EPB41L1: variants seen among roughly 807,000 people sequenced by gnomAD.
The protein encoded by EPB41L1 is erythrocyte membrane protein band 4.1 like 1.
EPB41L1 carries 29 observed loss-of-function variants against 97.8 expected under a neutral mutation model. That is an observed-to-expected ratio of 0.30 (90% CI 0.22 to 0.40). The LOEUF is 0.40. EPB41L1 is among the 10% of genes least tolerant of loss of function. The pLI is 1.00. For synonymous variants in EPB41L1, 383 were observed against 459.2 expected (o/e 0.83, Z 2.12); for missense variants, 812 against 1,162.3 (o/e 0.70, Z 4.38).
intron 11 of EPB41L1, among the ~76,000 whole-genome samples, chr20:36,193,914 C>T (rs1418234647): frequency 6.6e-6 from 1 of 152,186 alleles, no homozygotes; most frequent in Non-Finnish European, 1.5e-5. Flanking sequence ...ATGAGGAAAC[C>T]AAGACCCAGC....
At chr20:36,191,697 C>G (rs1375217440) in intron 11 of EPB41L1, among the ~76,000 whole-genome samples, 1 of 152,152 alleles carries the variant, frequency 6.6e-6, no homozygotes, top group Non-Finnish European at 1.5e-5. Flanking sequence ...GGGCTGTTCT[C>G]TGGACACTGG....
At chr20:36,143,194 G>A (rs917485037) in intron 2 of EPB41L1, among the ~76,000 whole-genome samples, 2 of 149,392 alleles carry the variant, frequency 1.3e-5, no homozygotes, top group East Asian at 4.0e-4. Flanking sequence ...GGGGATAGAG[G>A]TGCCATCTGG....
At chr20:36,116,655 G>T (rs905154861) in intron 2 of EPB41L1, among the ~76,000 whole-genome samples, 68 of 152,192 alleles carry the variant, frequency 4.5e-4, no homozygotes, top group Non-Finnish European at 1.3e-4. Context: ...GGCTGGACTA[G>T]CCATTCAGGA....
At chr20:36,213,493 G>A (rs2063259491) in intron 16 of EPB41L1, among the ~76,000 whole-genome samples, 1 of 152,104 alleles carries the variant, frequency 6.6e-6, no homozygotes, top group Non-Finnish European at 1.5e-5. Flanking sequence ...TATAATGATG[G>A]TAGGAGTTTA....
At position 36,207,821 on chromosome 20, in the gene EPB41L1, C is replaced by T. The variant is rs780327333; in HGVS notation, c.1669-1667C>T. 4.0e-5 allele frequency: 51 copies of T among 1,267,436 alleles called. No homozygotes were observed. In the African/African-American group the frequency reaches 5.8e-4, roughly 14 times the overall value. The allele number at this position is 1,267,436 out of a possible 1,614,324, so 78.5% of individuals were successfully genotyped here. Reference sequence around the variant, plus strand: ...AGCCCCCGCCCCCACCGCTGCTCCCCGCCCATGGGGGCTGGCCGCATGCTC... The same window carrying T: ...AGCCCCCGCCCCCACCGCTGCTCCCTGCCCATGGGGGCTGGCCGCATGCTC... On this transcript the variant is annotated intron_variant, in intron 14 of 21. Coordinates refer to ENST00000338074, the MANE Select transcript of EPB41L1 (RefSeq NM_012156.2). The surrounding 1 kb of genome is among the most constrained non-coding windows in gnomAD (Gnocchi z 4.9).
At chr20:36,114,243 T>C (rs1383625737) in intron 2 of EPB41L1, among the ~76,000 whole-genome samples, 6 of 152,206 alleles carry the variant, frequency 3.9e-5, no homozygotes, top group Non-Finnish European at 8.8e-5. Flanking sequence ...GAAACCCATA[T>C]TGTAAGCATT....
At chr20:36,141,707 T>G (rs1766651345) in intron 2 of EPB41L1, among the ~76,000 whole-genome samples, 1 of 152,220 alleles carries the variant, frequency 6.6e-6, no homozygotes, top group Non-Finnish European at 1.5e-5. Context: ...AAGACCCAAA[T>G]GTACACAAAA....
intron 2 of EPB41L1, among the ~76,000 whole-genome samples, chr20:36,134,852 CTTT>C (rs764236552): frequency 1.9e-5 from 2 of 107,652 alleles, no homozygotes; most frequent in Non-Finnish European, 1.9e-5. Context: ...TTTTCTCTGT[CTTT>C]TTTTTTTTTT....
chr20:36,155,035 G>C, intron 1 of EPB41L1, 139 bp downstream of exon 1: 1 of 822,754 alleles, frequency 1.2e-6, no homozygotes, highest in Non-Finnish European at 1.7e-6. Context: ...CAGTGTGGGG[G>C]AGGGTCTCGC....
chr20:36,227,550 C>A (rs1267730982), intron 21 of EPB41L1, among the ~76,000 whole-genome samples: 1 of 152,164 alleles, frequency 6.6e-6, no homozygotes, highest in Non-Finnish European at 1.5e-5. Context: ...GGTGAACCTG[C>A]TTCCTTGTCC....
At chr20:36,155,392 T>C (rs1381291891) in intron 1 of EPB41L1, 2 of 362,908 alleles carry the variant, frequency 5.5e-6, no homozygotes, top group Non-Finnish European at 1.1e-5. Context: ...TCAGAGCTGC[T>C]AGGAGGGATC....
At chr20:36,130,231 C>T (rs962971037) in intron 2 of EPB41L1, among the ~76,000 whole-genome samples, 1 of 149,540 alleles carries the variant, frequency 6.7e-6, no homozygotes, top group African/African-American at 2.5e-5. Flanking sequence ...CATGAGCCAC[C>T]TTGCCCAGCA....
intron 2 of EPB41L1, among the ~76,000 whole-genome samples, chr20:36,118,127 G>T (rs2058642856): frequency 6.6e-6 from 1 of 152,220 alleles, no homozygotes; most frequent in Non-Finnish European, 1.5e-5. Context: ...GCTTAGAGAG[G>T]CAAGGCTAAG....
rs750783083 is a variant in EPB41L1, at chr20:36,198,055, T to C, written c.1668+14T>C. On this transcript the variant is annotated intron_variant, in intron 14 of 21. Transcript: ENST00000338074. ...AAAGCCAATGAGGTAGGTGTCGCCC[T>C]GAACCCCTCGATAGGGGCCTTGGGT... The C allele has an allele frequency of 1.9e-6, 3 of 1,578,972 alleles. No homozygotes were observed. The East Asian group carries it at 7.1e-5, about 37-fold the overall frequency.
At chr20:36,099,631 G>A (rs1310527001) in intron 1 of EPB41L1, among the ~76,000 whole-genome samples, 1 of 152,182 alleles carries the variant, frequency 6.6e-6, no homozygotes, top group Non-Finnish European at 1.5e-5. Flanking sequence ...ATCCCATGAA[G>A]TGTCGCCTCT....
Position 36,182,590 on chromosome 20 carries a change from G to A in EPB41L1, c.566+243G>A, listed in dbSNP as rs2061516461. On this transcript the variant is annotated intron_variant, in intron 6 of 21. Coordinates refer to ENST00000338074, the MANE Select transcript of EPB41L1 (RefSeq NM_012156.2). ...GAGGAGGTATCACAGGGAACTGTGG[G>A]GCCTTTTGTAGATTTAAGAGGACAG... Among the ~76,000 whole-genome samples, 4 of 152,212 alleles carry A rather than the reference G, an allele frequency of 2.6e-5. 1 individual carries two copies. In the South Asian group the frequency reaches 8.3e-4, roughly 31 times the overall value.
At chr20:36,141,342 A>G (rs34680383) in intron 2 of EPB41L1, among the ~76,000 whole-genome samples, 1,632 of 150,184 alleles carry the variant, frequency 0.011, 31 homozygotes, top group African/African-American at 0.038. Context: ...CATCTTTATT[A>G]TTTTTTTTTT....
At chr20:36,167,691 G>A (rs1032909443) in intron 1 of EPB41L1, among the ~76,000 whole-genome samples, 1 of 151,554 alleles carries the variant, frequency 6.6e-6, no homozygotes, top group Non-Finnish European at 1.5e-5. Context: ...CTGGGCCATG[G>A]AGTGAGACTC....
At chr20:36,129,332 G>A (rs1023464944) in intron 2 of EPB41L1, among the ~76,000 whole-genome samples, 4 of 152,100 alleles carry the variant, frequency 2.6e-5, no homozygotes, top group African/African-American at 9.7e-5. Context: ...AATGGCCACG[G>A]GTGTGGTAAG....
Sources: allele counts gnomAD v4.1 joint callset (sites outside exome capture counted in the v4.1 genomes callset), GRCh38; gene constraint gnomAD v4.1.1; non-coding constraint Gnocchi (gnomAD v3.1); transcripts MANE v1.5; gene names NCBI Gene and HGNC (gene_info 2026-07-23, HGNC 2026-07-21).